MSI2: variants seen among roughly 807,000 people sequenced by gnomAD.
MSI2 encodes the protein RNA-binding protein Musashi homolog 2.
A neutral mutation model predicts 45.6 loss-of-function variants in MSI2; 17 were observed. The ratio of observed to expected loss-of-function variants is 0.37; its 90% CI spans 0.26 to 0.56. The LOEUF (loss-of-function observed/expected upper bound fraction) is 0.56. Among genes scored for constraint, MSI2 ranks in the 20% least tolerant of loss-of-function variants. The pLI, the probability that MSI2 is intolerant of heterozygous loss-of-function variation, is 0.77. For missense variants in MSI2, 293 were observed against 444.2 expected, an observed-to-expected ratio of 0.66 and a Z score of 3.06; for synonymous variants, 156 against 158.2, an observed-to-expected ratio of 0.99 and a Z score of 0.11.
At chr17:57,334,819 A>T (rs1433458975) in intron 5 of MSI2, among the ~76,000 whole-genome samples, 3 of 151,996 alleles carry the variant, frequency 2.0e-5, no homozygotes, top group Non-Finnish European at 4.4e-5. Flanking sequence ...TAAATAAGAT[A>T]AAAAAATACG....
chr17:57,318,657 C>T (rs1392643094), intron 5 of MSI2, among the ~76,000 whole-genome samples: 4 of 144,118 alleles, frequency 2.8e-5, no homozygotes, highest in South Asian at 2.3e-4. Flanking sequence ...GGGGTGGGGG[C>T]GGAGGGTCCC....
chr17:57,631,801 G>C (rs537369850), intron 10 of MSI2: 16 of 1,613,076 alleles, frequency 9.9e-6, no homozygotes, highest in Admixed American at 5.0e-5. Context: ...ACTATTTGCC[G>C]GTTTCACAAG....
intron 11 of MSI2, among the ~76,000 whole-genome samples, chr17:57,653,910 AC>A (rs1482607364): frequency 7.5e-6 from 1 of 132,914 alleles, no homozygotes; most frequent in Non-Finnish European, 1.6e-5. Flanking sequence ...CTAACTCCTA[AC>A]CCCCAAGGTC....
At chr17:57,390,065 C>T (rs1214400516) in intron 5 of MSI2, among the ~76,000 whole-genome samples, 1 of 129,580 alleles carries the variant, frequency 7.7e-6, no homozygotes, top group Non-Finnish European at 1.6e-5. Flanking sequence ...TAGCCAGACC[C>T]TGTCTTTACC....
rs1293535941 is a variant in MSI2, at chr17:57,262,134, T to C, written c.271-17T>C. ...AAAGTACTTTATTGACTCCTGCTTT[T>C]CTATTTTTTTTCCCAGATTGACCCC... On this transcript the variant is annotated splice_polypyrimidine_tract_variant and intron_variant, in intron 4 of 13. Coordinates refer to ENST00000284073, the MANE Select transcript of MSI2 (RefSeq NM_138962.4). The C allele has an allele frequency of 6.2e-7, 1 of 1,613,978 alleles. No homozygotes were observed. Among genetic ancestry groups the C allele is most frequent in the Non-Finnish European group, 8.5e-7 (1 of 1,179,864 alleles).
Position 57,370,237 on chromosome 17 carries a change from T to A in MSI2, c.313-31142T>A, listed in dbSNP as rs188478775. 1.6e-3 allele frequency among the ~76,000 whole-genome samples: 249 copies of A among 152,354 alleles called. 2 individuals carry two copies. Among genetic ancestry groups the A allele is most frequent in the African/African-American group, 5.9e-3 (246 of 41,582 alleles). The stretch of plus-strand genomic sequence containing the variant: ...GCCCTGGTGCCTAAGGTCTTGTGAT[T>A]GTTGCTGCTGTTTGCGTTTTTAATC... On this transcript the variant is annotated intron_variant, in intron 5 of 13. Transcript: ENST00000284073.
At chr17:57,670,366 C>G (rs1912689812) in intron 11 of MSI2, among the ~76,000 whole-genome samples, 1 of 152,256 alleles carries the variant, frequency 6.6e-6, no homozygotes, top group Non-Finnish European at 1.5e-5. Context: ...GGCCAGACAG[C>G]AGGCATCTCT....
rs1464430641 is a variant in MSI2, at chr17:57,499,821, T to C, written c.406-29855T>C. On this transcript the variant is annotated intron_variant, in intron 6 of 13. Coordinates refer to ENST00000284073, the MANE Select transcript of MSI2 (RefSeq NM_138962.4). ...GATCTCAGGACTTCTCCCCATGGTCTCTCTGCATGAGCTGGTTTGAGCTTC... is the reference window on the plus strand; with the variant it reads ...GATCTCAGGACTTCTCCCCATGGTCCCTCTGCATGAGCTGGTTTGAGCTTC... 2.0e-5 allele frequency among the ~76,000 whole-genome samples: 3 copies of C among 152,310 alleles called. No individual in the cohort carries two copies. In the East Asian group the frequency reaches 5.8e-4, roughly 29 times the overall value.
intron 5 of MSI2, among the ~76,000 whole-genome samples, chr17:57,388,052 G>C (rs1430334762): frequency 1.3e-5 from 2 of 152,192 alleles, no homozygotes; most frequent in Non-Finnish European, 2.9e-5. Flanking sequence ...TCAGGGCACT[G>C]GGATTGGAAC....
chr17:57,398,911 C>T (rs2083938477), intron 5 of MSI2, among the ~76,000 whole-genome samples: 1 of 151,910 alleles, frequency 6.6e-6, no homozygotes, highest in Non-Finnish European at 1.5e-5. Flanking sequence ...ATTATATCTT[C>T]ATTTTATAGT....
chr17:57,675,005 G>A lies in MSI2; in HGVS notation c.824G>A (p.Gly275Glu). ...SNPARPGGFP[G>E]ANSPGPVADL... ...CCGGCGCGGCCCGGAGGCTTCCCGG[G>A]GGCCAACAGCCCAGGACCTGTCGCC... Residue 275 changes from glycine (G) to glutamate (E), a missense_variant, in exon 12 of 14, where the codon GGG (glycine) becomes GAG (glutamate). Transcript: ENST00000284073. The A allele has an allele frequency of 6.2e-7, 1 of 1,613,704 alleles. No homozygotes were observed. Among genetic ancestry groups the A allele is most frequent in the Non-Finnish European group, 8.5e-7 (1 of 1,179,874 alleles).
chr17:57,570,820 C>G (rs1456540307), intron 7 of MSI2, among the ~76,000 whole-genome samples: 1 of 152,206 alleles, frequency 6.6e-6, no homozygotes, highest in Non-Finnish European at 1.5e-5. Flanking sequence ...CAGAAGGCTG[C>G]TGGATCCTCT....
At chr17:57,578,571 G>T (rs72833096) in intron 7 of MSI2, among the ~76,000 whole-genome samples, 5 of 151,836 alleles carry the variant, frequency 3.3e-5, no homozygotes, top group African/African-American at 4.8e-5. Context: ...GAGGGGAAGG[G>T]GACGGGAGAA....
At chr17:57,320,392 A>G (rs1476429414) in intron 5 of MSI2, among the ~76,000 whole-genome samples, 1 of 152,142 alleles carries the variant, frequency 6.6e-6, no homozygotes, top group East Asian at 1.9e-4. Flanking sequence ...GCTTGAATCC[A>G]GGGCAGAGGT....
At chr17:57,699,557 C>T in the MSI2 span, among the ~76,000 whole-genome samples, 8 of 152,210 alleles carry the variant, frequency 5.3e-5, no homozygotes, top group East Asian at 1.6e-3. Flanking sequence ...TAATATTATA[C>T]CCTTTCCCTC....
Position 57,372,805 on chromosome 17 carries a change from G to A in MSI2, c.313-28574G>A, listed in dbSNP as rs144438304. On this transcript the variant is annotated intron_variant, in intron 5 of 13. Transcript: ENST00000284073. ...TGAAGTTTTCTTACCTGGCAATCTG[G>A]TGTTTCTGAATGTGATTTGAAATCC... Among the ~76,000 whole-genome samples the A allele has an allele frequency of 4.6e-3, 695 of 152,256 alleles. 2 individuals are homozygous for A. Among genetic ancestry groups the A allele is most frequent in the Middle Eastern group, 0.01 (3 of 294 alleles).
chr17:57,425,566 A>G (rs1469820929), intron 6 of MSI2, among the ~76,000 whole-genome samples: 6 of 152,214 alleles, frequency 3.9e-5, no homozygotes, highest in African/African-American at 1.4e-4. Flanking sequence ...TGTACCCTAC[A>G]TGGTCATATT....
At chr17:57,378,350 G>T (rs1028320742) in intron 5 of MSI2, among the ~76,000 whole-genome samples, 1 of 151,966 alleles carries the variant, frequency 6.6e-6, no homozygotes, top group African/African-American at 2.4e-5. Flanking sequence ...TGCAACCTCC[G>T]CCTCCCGGGT....
At chr17:57,674,116 A>C (rs1598515858) in intron 11 of MSI2, among the ~76,000 whole-genome samples, 1 of 145,968 alleles carries the variant, frequency 6.9e-6, no homozygotes, top group Non-Finnish European at 1.5e-5. Flanking sequence ...CCTTCTCTCC[A>C]CCCCAAAAGG....
Sources: allele counts gnomAD v4.1 joint callset (sites outside exome capture counted in the v4.1 genomes callset), GRCh38; gene constraint gnomAD v4.1.1; transcripts MANE v1.5; gene names NCBI Gene and HGNC (gene_info 2026-07-23, HGNC 2026-07-21).